The following GEMIN5 variants were observed in gnomAD, a reference collection of about 807,000 sequenced individuals.
GEMIN5 encodes the protein gem nuclear organelle associated protein 5.
A neutral mutation model predicts 176.9 loss-of-function variants in GEMIN5; 124 were observed. That is an observed-to-expected ratio of 0.70 (90% confidence interval 0.61 to 0.81). The LOEUF is 0.81. Among genes scored for constraint, GEMIN5 ranks in the 40% least tolerant of loss-of-function variants. GEMIN5 has a pLI of 0.00. For synonymous variants in GEMIN5, 673 were observed against 665.2 expected (o/e 1.01, Z -0.18); for missense variants, 1,843 against 1,814.6 (o/e 1.02, Z -0.28).
chr5:154,919,724 T>G (rs1763883999), intron 11 of GEMIN5, among the ~76,000 whole-genome samples: 1 of 152,240 alleles, frequency 6.6e-6, no homozygotes, highest in Non-Finnish European at 1.5e-5. Context: ...TAGTTCTTTT[T>G]TGGCTTTTTT....
intron 4 of GEMIN5, 83 bp downstream of exon 4, chr5:154,932,013 AAAT>A: frequency 9.3e-7 from 1 of 1,073,660 alleles, no homozygotes; most frequent in Non-Finnish European, 1.3e-6. Context: ...CTCCAAAAAT[AAAT>A]AATAAATAAA....
Position 154,901,371 on chromosome 5 carries a change from C to T in GEMIN5, c.2982G>A (p.Ala994=), listed in dbSNP as rs762310331. The change falls in exon 21 of 28, where the codon GCG becomes GCA. Residue 994 remains alanine, a synonymous_variant. Coordinates refer to ENST00000285873, the MANE Select transcript of GEMIN5 (RefSeq NM_015465.5). ...HLLSIHKVYE[A]VELLKSNHFY... ...AATGGTTTGACTTGAGCAGCTCCAC[C>T]GCTTCATACACTTTGTGGATGGAAA... 3.2e-5 allele frequency: 52 copies of T among 1,613,968 alleles called. No individual in the cohort carries two copies. The highest frequency in any genetic ancestry group is 2.7e-4 in the South Asian group (25 of 91,064).
intron 14 of GEMIN5, 109 bp from the exon 15 acceptor site, chr5:154,912,007 C>G: frequency 1.1e-6 from 1 of 926,194 alleles, no homozygotes; most frequent in South Asian, 1.8e-5. Flanking sequence ...CAATCTGCGG[C>G]CTCTTATTTC....
chr5:154,914,248 G>A (rs995707250), intron 13 of GEMIN5, among the ~76,000 whole-genome samples: 3 of 152,154 alleles, frequency 2.0e-5, no homozygotes, highest in Admixed American at 1.3e-4. Flanking sequence ...TTCGAACTCC[G>A]GACCTCAGGC....
intron 25 of GEMIN5, 110 bp downstream of exon 25, chr5:154,892,277 G>T: frequency 2.3e-6 from 2 of 851,448 alleles, no homozygotes; most frequent in Non-Finnish European, 3.6e-6. Context: ...AAATGACACA[G>T]CTGGCCAATC....
Position 154,898,455 on chromosome 5 carries a change from C to G in GEMIN5, c.3330G>C (p.Leu1110=), listed in dbSNP as rs747915694. The G allele has an allele frequency of 2.5e-5, 41 of 1,613,364 alleles. No homozygotes were observed. The highest frequency in any genetic ancestry group is 3.4e-5 in the Non-Finnish European group (40 of 1,179,376). The change falls in exon 23 of 28, where the codon CTG becomes CTC. Residue 1110 remains leucine, a synonymous_variant. Coordinates refer to ENST00000285873, the MANE Select transcript of GEMIN5 (RefSeq NM_015465.5). ...NWVGAQEALQ[L]HESLQGQRLV... ...ACAGACTGACCTGTAGACTTTCATGCAGCTGCAGGGCTTCCTGGGCTCCCA... is the reference window on the plus strand; with the variant it reads ...ACAGACTGACCTGTAGACTTTCATGGAGCTGCAGGGCTTCCTGGGCTCCCA...
intron 24 of GEMIN5, among the ~76,000 whole-genome samples, chr5:154,892,872 G>C (rs1465448484): frequency 6.6e-6 from 1 of 152,062 alleles, no homozygotes; most frequent in Non-Finnish European, 1.5e-5. Context: ...GCCAAGGTGG[G>C]CAGATCACAA....
In GEMIN5 at chr5:154,932,185, C is replaced by T. The variant is rs770053999; in HGVS notation, c.575G>A (p.Arg192Gln). The change falls in exon 4 of 28, where the codon CGA becomes CAA. Residue 192 changes from arginine to glutamine, a missense_variant. Physicochemically the swap from Arg to Gln is conservative, Grantham distance 43. Transcript: ENST00000285873. ...GGAGTGGATTTCATCATCATGGCCT[C>T]GAAGCCTATGAATAACTTCTCCTTT... The part of the protein sequence containing the change: ...SKKGEVIHRL[R>Q]GHDDEIHSIA... 2.1e-5 allele frequency: 33 copies of T among 1,609,378 alleles called. No individual in the cohort carries two copies. The highest frequency in any genetic ancestry group is 3.3e-5 in the Admixed American group (2 of 60,006).
intron 8 of GEMIN5, among the ~76,000 whole-genome samples, chr5:154,925,163 A>G (rs1267438756): frequency 6.6e-6 from 1 of 152,212 alleles, no homozygotes; most frequent in Non-Finnish European, 1.5e-5. Flanking sequence ...TATGCATTAT[A>G]CACTGTCGAG....
At chr5:154,898,729 TTCTA>T (rs1763407776) in intron 22 of GEMIN5, 79 bp from the exon 23 acceptor site, 1 of 1,172,464 alleles carries the variant, frequency 8.5e-7, no homozygotes, top group African/African-American at 1.5e-5. Flanking sequence ...AATCATTTCT[TTCTA>T]TCTACTTTGC....
At chr5:154,914,887 T>A (rs545570526) in intron 13 of GEMIN5, among the ~76,000 whole-genome samples, 1 of 152,328 alleles carries the variant, frequency 6.6e-6, no homozygotes, top group African/African-American at 2.4e-5. Flanking sequence ...AAAGCCAATA[T>A]GACAACACAT....
chr5:154,890,299 G>A (rs139067075), intron 26 of GEMIN5, among the ~76,000 whole-genome samples: 119 of 152,164 alleles, frequency 7.8e-4, no homozygotes, highest in African/African-American at 2.6e-3. Flanking sequence ...ATTATCTTTT[G>A]TTATGCCTGG....
intron 13 of GEMIN5, among the ~76,000 whole-genome samples, chr5:154,914,171 C>T (rs374554808): frequency 1.4e-4 from 22 of 152,236 alleles, no homozygotes; most frequent in Non-Finnish European, 2.6e-4. Context: ...TAGGCATGCA[C>T]CACCAAGCCC....
At chr5:154,910,950 G>A (rs1027049731) in intron 15 of GEMIN5, among the ~76,000 whole-genome samples, 3 of 152,076 alleles carry the variant, frequency 2.0e-5, no homozygotes, top group Admixed American at 6.6e-5. Flanking sequence ...CGCCCATCTC[G>A]GCCTCCCAAA....
At chr5:154,909,373 CCATT>C (rs1456599961) in intron 15 of GEMIN5, among the ~76,000 whole-genome samples, 2 of 151,832 alleles carry the variant, frequency 1.3e-5, no homozygotes, top group African/African-American at 4.8e-5. Context: ...GTGCTTCTCC[CCATT>C]TATTTATTAT....
In GEMIN5 at chr5:154,937,145, G is replaced by T; in HGVS notation, c.207C>A (p.Gly69=). The change falls in exon 2 of 28, where the codon GGC becomes GGA. Residue 69 remains glycine (G), a synonymous_variant. Coordinates refer to ENST00000285873, the MANE Select transcript of GEMIN5 (RefSeq NM_015465.5). ...ELVGHTERVS[G]FTFSHHPGQY... Reference sequence around the variant, plus strand: ...GACCAGGGTGATGAGAAAATGTGAAGCCAGAGACCCTTTCGGTGTGTCCCA... The same window carrying T: ...GACCAGGGTGATGAGAAAATGTGAATCCAGAGACCCTTTCGGTGTGTCCCA... 6.2e-7 allele frequency: 1 copy of T among 1,613,666 alleles called. No homozygotes were observed. The highest frequency in any genetic ancestry group is 8.5e-7 in the Non-Finnish European group (1 of 1,179,654).
intron 5 of GEMIN5, among the ~76,000 whole-genome samples, chr5:154,930,696 G>C (rs1406319178): frequency 6.6e-6 from 1 of 152,154 alleles, no homozygotes; most frequent in Non-Finnish European, 1.5e-5. Context: ...GGGGGAGGGG[G>C]AAATGGAGAG....
intron 9 of GEMIN5, 35 bp downstream of exon 9, chr5:154,924,434 G>T (rs760050668): frequency 1.4e-6 from 2 of 1,394,502 alleles, no homozygotes; most frequent in South Asian, 2.3e-5. Context: ...TTGGCTCCCC[G>T]GGCCACAATG....
intron 25 of GEMIN5, 130 bp downstream of exon 25, chr5:154,892,257 C>T (rs1421904405): frequency 1.3e-6 from 1 of 756,186 alleles, no homozygotes; most frequent in African/African-American, 1.8e-5. Context: ...AGAATCCAAA[C>T]TTTCTACTAA....
Sources: allele counts gnomAD v4.1 joint callset (sites outside exome capture counted in the v4.1 genomes callset), GRCh38; gene constraint gnomAD v4.1.1; transcripts MANE v1.5; gene names NCBI Gene and HGNC (gene_info 2026-07-23, HGNC 2026-07-21).